KANK1: variants seen among roughly 807,000 people sequenced by gnomAD.
The protein encoded by KANK1 is KN motif and ankyrin repeat domain-containing protein 1.
KANK1 carries 109 observed loss-of-function variants against 106.2 expected under a neutral mutation model. That is an observed-to-expected ratio of 1.03 (90% CI 0.88 to 1.20). KANK1 has a LOEUF of 1.20. Among genes scored for constraint, KANK1 ranks in the 50% most tolerant of loss-of-function variants. The probability of loss-of-function intolerance (pLI) is 0.00; values close to 1 mark genes in which losing one functional copy is unlikely to be tolerated. For synonymous variants in KANK1, 873 were observed against 652.2 expected, an observed-to-expected ratio of 1.34 and a Z score of -5.16; for missense variants, 2,399 against 1,710.7, an observed-to-expected ratio of 1.40 and a Z score of -7.10.
intron 2 of KANK1, chr9:693,830 A>G (rs889260905): frequency 2.0e-6 from 2 of 984,242 alleles, no homozygotes; most frequent in African/African-American, 3.5e-5. Flanking sequence ...GGAGAGCATG[A>G]TGTTTGGGTG....
At chr9:621,948 C>G (rs1235008154) in intron 1 of KANK1, among the ~76,000 whole-genome samples, 2 of 152,116 alleles carry the variant, frequency 1.3e-5, no homozygotes, top group African/African-American at 4.8e-5. Flanking sequence ...CTGCCGAAGC[C>G]TCTTGGGAAG....
At chr9:562,369 C>T (rs573733088) in intron 1 of KANK1, among the ~76,000 whole-genome samples, 1 of 152,190 alleles carries the variant, frequency 6.6e-6, no homozygotes, top group Non-Finnish European at 1.5e-5. Flanking sequence ...ATTGCATTTT[C>T]TACACCCTGC....
intron 2 of KANK1, among the ~76,000 whole-genome samples, chr9:708,838 C>T (rs561624138): frequency 1.3e-4 from 20 of 152,218 alleles, no homozygotes; most frequent in South Asian, 2.1e-4. Context: ...TCTAAAAATG[C>T]GCAGCTTATT....
chr9:736,200 C>T (rs1360218539), intron 7 of KANK1, among the ~76,000 whole-genome samples: 4 of 152,166 alleles, frequency 2.6e-5, no homozygotes, highest in African/African-American at 4.8e-5. Flanking sequence ...CCTCGTGGTC[C>T]GCCCATCTTG....
chr9:491,787 G>A (rs944898577), intron 3 of KANK1, among the ~76,000 whole-genome samples: 21 of 152,158 alleles, frequency 1.4e-4, no homozygotes, highest in Non-Finnish European at 2.2e-4. Context: ...GAAGGAACCC[G>A]GTGGGAGGTA....
At chr9:608,814 G>T (rs116459604) in intron 1 of KANK1, among the ~76,000 whole-genome samples, 7,787 of 152,238 alleles carry the variant, frequency 0.051, 623 homozygotes, top group African/African-American at 0.18. Flanking sequence ...ATGGTCCAGA[G>T]TGTTTCCAAG....
intron 3 of KANK1, among the ~76,000 whole-genome samples, chr9:726,684 G>A (rs141454053): frequency 1.3e-5 from 2 of 152,154 alleles, no homozygotes; most frequent in Non-Finnish European, 2.9e-5. Flanking sequence ...ATAAGGCCAG[G>A]CGTGGTGGCT....
At chr9:499,735 A>G (rs541604215), upstream of KANK1, among the ~76,000 whole-genome samples, 22 of 152,318 alleles carry the variant, frequency 1.4e-4, no homozygotes, top group Admixed American at 1.3e-3. Flanking sequence ...AAAACTGAGA[A>G]TTACATTGAC....
chr9:518,093 G>T (rs915240412), intron 1 of KANK1, among the ~76,000 whole-genome samples: 1 of 151,732 alleles, frequency 6.6e-6, no homozygotes, highest in East Asian at 1.9e-4. Flanking sequence ...CCTTAGTACT[G>T]TGGAAAAAAG....
chr9:558,820 T>C (rs991016092), intron 1 of KANK1: 1 of 152,194 alleles, frequency 6.6e-6, no homozygotes, highest in African/African-American at 2.4e-5. Context: ...TCAAATATTT[T>C]GGTGTGTACT....
chr9:614,493 G>C (rs778252726), intron 1 of KANK1, among the ~76,000 whole-genome samples: 1 of 152,142 alleles, frequency 6.6e-6, no homozygotes, highest in Non-Finnish European at 1.5e-5. Flanking sequence ...GGCTGACACT[G>C]ATCTTGGTCC....
intron 2 of KANK1, among the ~76,000 whole-genome samples, chr9:678,098 T>G (rs1210698012): frequency 1.3e-5 from 2 of 152,216 alleles, no homozygotes; most frequent in Non-Finnish European, 2.9e-5. Context: ...TTATCTCCTC[T>G]GGGTAGAACA....
intron 3 of KANK1, among the ~76,000 whole-genome samples, chr9:484,794 C>T (rs967881922): frequency 2.0e-5 from 3 of 152,200 alleles, no homozygotes; most frequent in Admixed American, 2.0e-4. Context: ...GAGCACTGGG[C>T]AGCACCCAGG....
At chr9:609,818 C>T (rs1424942591) in intron 1 of KANK1, among the ~76,000 whole-genome samples, 2 of 152,000 alleles carry the variant, frequency 1.3e-5, no homozygotes, top group Admixed American at 6.6e-5. Context: ...TTTTCTCAGG[C>T]TACTTTCTAG....
rs1837061562 is a variant in KANK1, at chr9:745,959, T to A, written c.*724T>A. 6.6e-6 allele frequency: 1 copy of A among 152,670 alleles called. No homozygotes were observed. Among genetic ancestry groups the A allele is most frequent in the Admixed American group, 6.5e-5 (1 of 15,280 alleles). The allele number at this position is 152,670 out of a possible 1,614,324, so 9.5% of individuals were successfully genotyped here. On this transcript the variant is annotated 3_prime_UTR_variant, in exon 12 of 12. Transcript: ENST00000382297. ...TGTGTTAGAGGAATCGGCTCTGTAT[T>A]TGCCTCTAGAGAAACACAGTGTTCT...
At chr9:689,901 A>G (rs73372966) in intron 2 of KANK1, among the ~76,000 whole-genome samples, 2,638 of 152,096 alleles carry the variant, frequency 0.017, 72 homozygotes, top group African/African-American at 0.058. Context: ...TTGCAAGGTA[A>G]GCTTACCTGA....
At chr9:682,539 A>C (rs1817777465) in intron 2 of KANK1, among the ~76,000 whole-genome samples, 1 of 152,194 alleles carries the variant, frequency 6.6e-6, no homozygotes, top group Admixed American at 6.5e-5. Context: ...ATGACTGTAT[A>C]ATATTCCTTA....
intron 1 of KANK1, among the ~76,000 whole-genome samples, chr9:668,706 A>C (rs559287796): frequency 1.3e-5 from 2 of 152,110 alleles, no homozygotes; most frequent in Non-Finnish European, 2.9e-5. Flanking sequence ...AGTTATTTTA[A>C]AGAGATGACA....
intron 1 of KANK1, among the ~76,000 whole-genome samples, chr9:506,945 TCACTC>T (rs1276932245): frequency 2.0e-5 from 3 of 152,166 alleles, no homozygotes; most frequent in Admixed American, 6.5e-5. Context: ...GTTGGACACT[TCACTC>T]GGGCTTTTTG....
Sources: gnomAD v4.1 joint callset for allele counts (sites outside exome capture counted in the v4.1 genomes callset) on GRCh38, gnomAD v4.1.1 for gene constraint, MANE v1.5 for transcripts, NCBI Gene and HGNC (gene_info 2026-07-23, HGNC 2026-07-21) for gene names.